HTR6: variants seen among roughly 807,000 people sequenced by gnomAD.
The protein encoded by HTR6 is 5-hydroxytryptamine (serotonin) receptor 6, G protein-coupled.
Under a neutral mutation model 17.4 loss-of-function variants are expected in HTR6, and 15 were observed. That is an observed-to-expected ratio of 0.86 (90% confidence interval 0.58 to 1.33). HTR6 has a LOEUF of 1.33. Ranked by LOEUF, HTR6 falls within the 40% of genes most tolerant of loss-of-function variation. HTR6 has a pLI of 0.00. For missense variants in HTR6, 578 were observed against 616.0 expected (o/e 0.94, Z 0.65); for synonymous variants, 326 against 295.5 (o/e 1.10, Z -1.06).
chr1:19,679,069 C>T lies in HTR6; in HGVS notation c.1024C>T (p.Arg342Trp), dbSNP rs769966330. 35 of 1,613,864 alleles carry T rather than the reference C, an allele frequency of 2.2e-5. No individual in the cohort carries two copies. The highest frequency in any genetic ancestry group is 1.6e-4 in the Middle Eastern group (1 of 6,082). Residue 342 changes from arginine (R) to tryptophan (W), a missense_variant, in exon 3 of 3, where the codon CGG (arginine) becomes TGG (tryptophan). By Grantham distance (101) the Arg-to-Trp change is moderately radical (BLOSUM62 -3). Transcript: ENST00000289753. This position sits in a 1 kb window ranked among gnomAD's most constrained non-coding sequence, Gnocchi z 4.9. ...GTTCCTGCCATGTCCACGCTGTCCC[C>T]GGGAGCGCCAGGCCAGCCTGGCCTC... is the stretch of plus-strand genomic sequence containing the variant. ...GRFLPCPRCP[R>W]ERQASLASPS...
intron 1 of HTR6, among the ~76,000 whole-genome samples, chr1:19,673,434 C>T (rs577794692): frequency 1.3e-5 from 2 of 152,250 alleles, no homozygotes; most frequent in South Asian, 4.1e-4. Context: ...GTGGGCTGGG[C>T]GTGGTGGCTC....
Position 19,679,155 on chromosome 1 carries a change from G to T in HTR6, c.1110G>T (p.Leu370=). ...PRPGLSLQQV[L]PLPLPPDSDS... is the part of the protein sequence containing the mutation. ...CCGGCCTTAGCCTACAGCAGGTGCT[G>T]CCGCTGCCCCTGCCGCCGGACTCAG... The change falls in exon 3 of 3, where the codon CTG becomes CTT. Residue 370 remains leucine (L), a synonymous_variant. Transcript: ENST00000289753. The surrounding 1 kb of genome is among the most constrained non-coding windows in gnomAD (Gnocchi z 4.9). The T allele has an allele frequency of 6.2e-7, 1 of 1,603,164 alleles. No homozygotes were observed.
At chr1:19,673,889 C>G (rs115601846) in intron 1 of HTR6, among the ~76,000 whole-genome samples, 2 of 134,766 alleles carry the variant, frequency 1.5e-5, no homozygotes, top group African/African-American at 2.8e-5. Flanking sequence ...TCTGTTAGGA[C>G]AGAGTGTCAC....
At chr1:19,672,876 T>C (rs893716657) in intron 1 of HTR6, among the ~76,000 whole-genome samples, 2 of 151,954 alleles carry the variant, frequency 1.3e-5, no homozygotes, top group African/African-American at 4.8e-5. Flanking sequence ...AAAATATATA[T>C]AAAAAATTAG....
In HTR6 at chr1:19,679,064, G is replaced by A. The variant is rs1264966940; in HGVS notation, c.1019G>A (p.Cys340Tyr). 6.2e-7 allele frequency: 1 copy of A among 1,614,060 alleles called. No homozygotes were observed. The highest frequency in any genetic ancestry group is 2.2e-5 in the East Asian group (1 of 44,868). Residue 340 changes from cysteine (C) to tyrosine (Y), a missense_variant, in exon 3 of 3, where the codon TGT becomes TAT. By Grantham distance (194) the Cys-to-Tyr change is radical. Transcript: ENST00000289753. The surrounding 1 kb of genome is among the most constrained non-coding windows in gnomAD (Gnocchi z 4.9). ...ALGRFLPCPR[C>Y]PRERQASLAS... Reference sequence around the variant, plus strand: ...GGCAGGTTCCTGCCATGTCCACGCTGTCCCCGGGAGCGCCAGGCCAGCCTG... The same window carrying A: ...GGCAGGTTCCTGCCATGTCCACGCTATCCCCGGGAGCGCCAGGCCAGCCTG...
chr1:19,674,013 G>A lies in HTR6; in HGVS notation c.715-4554G>A, dbSNP rs144560813. 7.2e-5 allele frequency among the ~76,000 whole-genome samples: 11 copies of A among 152,068 alleles called. No homozygotes were observed. In the East Asian group the frequency reaches 1.9e-3, roughly 27 times the overall value. ...CTCCGGAGTAGCTGGGGCTACAGAC[G>A]CACATCACCATGCCTGGCTAATTTT... On this transcript the variant is annotated intron_variant, in intron 1 of 2. Transcript: ENST00000289753.
chr1:19,675,082 C>T (rs923995608), intron 1 of HTR6, among the ~76,000 whole-genome samples: 1 of 152,142 alleles, frequency 6.6e-6, no homozygotes, highest in African/African-American at 2.4e-5. Context: ...TGTAACCCCA[C>T]CTGACTGGGC....
chr1:19,665,998 C>G lies in HTR6; in HGVS notation c.245C>G (p.Pro82Arg). The G allele has an allele frequency of 6.2e-7, 1 of 1,613,924 alleles. No homozygotes were observed. Among genetic ancestry groups the G allele is most frequent in the Non-Finnish European group, 8.5e-7 (1 of 1,179,904 alleles). The change falls in exon 1 of 3, where the codon CCG becomes CGG. Residue 82 changes from proline (P) to arginine (R), a missense_variant. Pro to Arg is a moderately radical substitution (Grantham distance 103). Transcript: ENST00000289753. This position sits in a 1 kb window ranked among gnomAD's most constrained non-coding sequence, Gnocchi z 4.2. ...ATGGTGGGGCTGGTGGTGATGCCGC[C>G]GGCCATGCTGAACGCGCTGTACGGG... ...DLMVGLVVMP[P>R]AMLNALYGRW...
chr1:19,672,374 G>C (rs1421269374), intron 1 of HTR6, among the ~76,000 whole-genome samples: 2 of 151,856 alleles, frequency 1.3e-5, no homozygotes, highest in Non-Finnish European at 2.9e-5. Flanking sequence ...CTGTCTTAGT[G>C]ATCCATCTTC....
Position 19,679,049 on chromosome 1 carries a change from T to C in HTR6, c.1004T>C (p.Leu335Pro). 6.2e-7 allele frequency: 1 copy of C among 1,614,132 alleles called. No individual in the cohort carries two copies. Reference sequence around the variant, plus strand: ...TTCAAGCGGGCGCTGGGCAGGTTCCTGCCATGTCCACGCTGTCCCCGGGAG... The same window carrying C: ...TTCAAGCGGGCGCTGGGCAGGTTCCCGCCATGTCCACGCTGTCCCCGGGAG... ...RDFKRALGRF[L>P]PCPRCPRERQ... The change falls in exon 3 of 3, where the codon CTG (leucine) becomes CCG (proline). Residue 335 changes from leucine (L) to proline (P), a missense_variant. Transcript: ENST00000289753. The surrounding 1 kb of genome is among the most constrained non-coding windows in gnomAD (Gnocchi z 4.9).
chr1:19,678,627 C>A lies in HTR6; in HGVS notation c.775C>A (p.His259Asn), dbSNP rs749659592. 1.2e-6 allele frequency: 2 copies of A among 1,613,642 alleles called. No individual in the cohort carries two copies. Among genetic ancestry groups the A allele is most frequent in the East Asian group, 4.5e-5 (2 of 44,868 alleles). The change falls in exon 2 of 3, where the codon CAC becomes AAC. Residue 259 changes from histidine (H) to asparagine (N), a missense_variant. His to Asn is a moderately conservative substitution (Grantham distance 68). Coordinates refer to ENST00000289753, the MANE Select transcript of HTR6 (RefSeq NM_000871.3). ...TGACAGCAGGCGTCTAGCCACGAAG[C>A]ACAGCAGGAAGGCCCTGAAGGCCAG... ...SADSRRLATK[H>N]SRKALKASLT...
chr1:19,665,694 G>T lies in HTR6; in HGVS notation c.-60G>T. 3 of 1,141,398 alleles carry T rather than the reference G, an allele frequency of 2.6e-6. No homozygotes were observed. Among genetic ancestry groups the T allele is most frequent in the Non-Finnish European group, 3.6e-6 (3 of 822,600 alleles). The allele number at this position is 1,141,398 out of a possible 1,614,324, so 70.7% of individuals were successfully genotyped here. ...GTCCCCGTCCAGCCTGCGCTTCGCCGGGGCCCTCATCTGCTTTCCCGCCAC... is the reference window on the plus strand; with the variant it reads ...GTCCCCGTCCAGCCTGCGCTTCGCCTGGGCCCTCATCTGCTTTCCCGCCAC... On this transcript the variant is annotated 5_prime_UTR_variant, in exon 1 of 3. Coordinates refer to ENST00000289753, the MANE Select transcript of HTR6 (RefSeq NM_000871.3). This position sits in a 1 kb window ranked among gnomAD's most constrained non-coding sequence, Gnocchi z 4.2.
intron 1 of HTR6, among the ~76,000 whole-genome samples, chr1:19,669,588 C>T (rs1315001521): frequency 6.6e-6 from 1 of 152,168 alleles, no homozygotes; most frequent in Non-Finnish European, 1.5e-5. Context: ...CACCTTGCCC[C>T]TTTTCTTCTC....
chr1:19,679,087 C>G lies in HTR6; in HGVS notation c.1042C>G (p.Leu348Val), dbSNP rs1174930381. The change falls in exon 3 of 3, where the codon CTG becomes GTG. Residue 348 changes from leucine to valine, a missense_variant. Coordinates refer to ENST00000289753, the MANE Select transcript of HTR6 (RefSeq NM_000871.3). The surrounding 1 kb of genome is among the most constrained non-coding windows in gnomAD (Gnocchi z 4.9). Reference sequence around the variant, plus strand: ...CTGTCCCCGGGAGCGCCAGGCCAGCCTGGCCTCGCCATCACTGCGCACCTC... The same window carrying G: ...CTGTCCCCGGGAGCGCCAGGCCAGCGTGGCCTCGCCATCACTGCGCACCTC... The part of the protein sequence containing the change: ...PRCPRERQAS[L>V]ASPSLRTSHS... 9.9e-6 allele frequency: 16 copies of G among 1,613,810 alleles called. No individual in the cohort carries two copies. The highest frequency in any genetic ancestry group is 2.2e-5 in the East Asian group (1 of 44,858).
In HTR6 at chr1:19,664,893, G is replaced by A. The variant is rs2095078876; in HGVS notation, c.-861G>A. Among the ~76,000 whole-genome samples, 1 of 150,218 alleles carries A rather than the reference G, an allele frequency of 6.7e-6. No individual in the cohort carries two copies. Among genetic ancestry groups the A allele is most frequent in the Admixed American group, 6.6e-5 (1 of 15,102 alleles). On this transcript the variant is annotated 5_prime_UTR_variant, in exon 1 of 3. Coordinates refer to ENST00000289753, the MANE Select transcript of HTR6 (RefSeq NM_000871.3). This position sits in a 1 kb window ranked among gnomAD's most constrained non-coding sequence, Gnocchi z 4.7. The stretch of plus-strand genomic sequence containing the variant: ...CCAGGCTGCACCCGGCCTCTCCTCC[G>A]CGCGTGCGGGCCCCTCGCGGCGCCT...
intron 1 of HTR6, among the ~76,000 whole-genome samples, chr1:19,678,094 T>A (rs552039141): frequency 6.6e-6 from 1 of 152,216 alleles, no homozygotes; most frequent in Admixed American, 6.5e-5. Flanking sequence ...GGGCTCATTG[T>A]AATGTGTGTG....
chr1:19,678,829 C>T (rs8192531), intron 2 of HTR6, 90 bp from the exon 3 acceptor site: 82 of 1,506,912 alleles, frequency 5.4e-5, no homozygotes, highest in Non-Finnish European at 6.8e-5. Flanking sequence ...TCTCGTGGTG[C>T]GTGTGTGTGT....
In HTR6 at chr1:19,666,667, A is replaced by G. The variant is rs1033376229; in HGVS notation, c.714+200A>G. On this transcript the variant is annotated intron_variant, in intron 1 of 2. Coordinates refer to ENST00000289753, the MANE Select transcript of HTR6 (RefSeq NM_000871.3). The surrounding 1 kb of genome is among the most constrained non-coding windows in gnomAD (Gnocchi z 4.5). ...GATAGCTCCGTCAGGATTTGGGGGC[A>G]GGCTTCTCCCAGGTACCATGTACAA... 3.3e-5 allele frequency among the ~76,000 whole-genome samples: 5 copies of G among 151,994 alleles called. No homozygotes were observed. Among genetic ancestry groups the G allele is most frequent in the African/African-American group, 1.2e-4 (5 of 41,400 alleles).
Position 19,665,169 on chromosome 1 carries a change from G to C in HTR6, c.-585G>C, listed in dbSNP as rs561545401. The C allele has an allele frequency of 6.6e-6, 1 of 151,880 alleles. No individual in the cohort carries two copies. The allele number at this position is 151,880 out of a possible 1,614,324, so 9.4% of individuals were successfully genotyped here. On this transcript the variant is annotated 5_prime_UTR_variant, in exon 1 of 3. Transcript: ENST00000289753. The surrounding 1 kb of genome is among the most constrained non-coding windows in gnomAD (Gnocchi z 4.2). ...CGCGCCGCACAGGCCGTGTGCGCCG[G>C]ATCCCGGTGCCTCCGCGCCAGCTGA...
Sources: gnomAD v4.1 joint callset for allele counts (sites outside exome capture counted in the v4.1 genomes callset) on GRCh38, gnomAD v4.1.1 for gene constraint, Gnocchi (gnomAD v3.1) non-coding constraint, MANE v1.5 for transcripts, NCBI Gene and HGNC (gene_info 2026-07-23, HGNC 2026-07-21) for gene names.